ABL2: variants seen among roughly 807,000 people sequenced by gnomAD.
ABL2 encodes ABL proto-oncogene 2, non-receptor tyrosine kinase, also known as tyrosine-protein kinase ABL2.
In ABL2, 49 loss-of-function variants were observed where a neutral mutation model predicts 107.7. The observed-to-expected ratio is 0.45, with a 90% CI of 0.36 to 0.58. ABL2 has a LOEUF of 0.58. Ranked by LOEUF, ABL2 falls within the 20% of genes least tolerant of loss-of-function variation. The pLI is 0.00. For synonymous variants in ABL2, 549 were observed against 548.6 expected, an observed-to-expected ratio of 1.00 and a Z score of -0.01; for missense variants, 1,245 against 1,457.0, an observed-to-expected ratio of 0.85 and a Z score of 2.37.
chr1:179,211,078 A>G (rs1360171126), intron 1 of ABL2, among the ~76,000 whole-genome samples: 1 of 152,160 alleles, frequency 6.6e-6, no homozygotes, highest in East Asian at 1.9e-4. Flanking sequence ...CAGGAAACAG[A>G]AGACTTGAAA....
rs1042383610 is a variant in ABL2 at position 179,103,958 on chromosome 1, T to C, written c.*3760A>G. On this transcript the variant is annotated 3_prime_UTR_variant, in exon 12 of 12. Transcript: ENST00000502732. ...GATAGCACTGGGTGTTTCAAACACCTGGCGAGATTACTGGAGAATACACTG... is the reference window on the plus strand; with the variant it reads ...GATAGCACTGGGTGTTTCAAACACCCGGCGAGATTACTGGAGAATACACTG... The C allele has an allele frequency of 4.3e-5, 10 of 233,374 alleles. No individual in the cohort carries two copies. Among genetic ancestry groups the C allele is most frequent in the African/African-American group, 2.2e-4 (10 of 45,346 alleles). The allele number at this position is 233,374 out of a possible 1,614,324, so 14.5% of individuals were successfully genotyped here.
chr1:179,168,835 T>C (rs192452778), intron 1 of ABL2, among the ~76,000 whole-genome samples: 1 of 152,240 alleles, frequency 6.6e-6, no homozygotes, highest in Non-Finnish European at 1.5e-5. Context: ...CTAACTAGCA[T>C]GACTTCGTAG....
At chr1:179,180,423 A>G (rs528001527) in intron 1 of ABL2, among the ~76,000 whole-genome samples, 1 of 152,334 alleles carries the variant, frequency 6.6e-6, no homozygotes, top group South Asian at 2.1e-4. Context: ...CGAAGGTTCT[A>G]GAGGAGAGGA....
chr1:179,115,321 A>T (rs940990702), intron 8 of ABL2, among the ~76,000 whole-genome samples: 5 of 152,210 alleles, frequency 3.3e-5, no homozygotes, highest in Non-Finnish European at 7.3e-5. Flanking sequence ...AAGAAGTCTG[A>T]GGCATAATCC....
At chr1:179,136,120 G>A (rs1193597225) in intron 1 of ABL2, among the ~76,000 whole-genome samples, 2 of 151,120 alleles carry the variant, frequency 1.3e-5, no homozygotes, top group African/African-American at 4.8e-5. Context: ...CAGCCACCCC[G>A]TCCGGGAGGT....
intron 1 of ABL2, among the ~76,000 whole-genome samples, chr1:179,152,002 T>A (rs1338847608): frequency 6.6e-6 from 1 of 152,106 alleles, no homozygotes; most frequent in Admixed American, 6.6e-5. Flanking sequence ...AAGTCTTCTA[T>A]TACAGATAAA....
chr1:179,151,798 C>A (rs569987033), intron 1 of ABL2, among the ~76,000 whole-genome samples: 2 of 152,212 alleles, frequency 1.3e-5, no homozygotes, highest in African/African-American at 4.8e-5. Flanking sequence ...TGATAAAATT[C>A]TTTACCGTAG....
At chr1:179,122,327 C>A (rs1655300977) in intron 4 of ABL2, among the ~76,000 whole-genome samples, 1 of 151,476 alleles carries the variant, frequency 6.6e-6, no homozygotes, top group Non-Finnish European at 1.5e-5. Context: ...CTCACTATTG[C>A]CCAGGCAGGT....
Position 179,189,334 on chromosome 1 carries a change from A to T in ABL2, c.157+39907T>A, listed in dbSNP as rs147014930. On this transcript the variant is annotated intron_variant, in intron 1 of 11. Coordinates refer to ENST00000502732, the MANE Select transcript of ABL2 (RefSeq NM_007314.4). ...TTTTTAGTAGAGACGGGGTTTCACCATGTTGGCCAGGCTTATCTCAAACTC... is the reference window on the plus strand; with the variant it reads ...TTTTTAGTAGAGACGGGGTTTCACCTTGTTGGCCAGGCTTATCTCAAACTC... Among the ~76,000 whole-genome samples the T allele has an allele frequency of 5.5e-3, 838 of 152,174 alleles. 10 individuals are homozygous for T. The highest frequency in any genetic ancestry group is 0.019 in the African/African-American group (795 of 41,514).
At chr1:179,136,916 CAAAA>C (rs33980980) in intron 1 of ABL2, among the ~76,000 whole-genome samples, 1 of 110,090 alleles carries the variant, frequency 9.1e-6, no homozygotes. Flanking sequence ...GACCCTGTCT[CAAAA>C]AAAAAAAAAA....
chr1:179,210,057 G>A (rs190458243), intron 1 of ABL2, among the ~76,000 whole-genome samples: 11 of 152,060 alleles, frequency 7.2e-5, no homozygotes, highest in African/African-American at 1.9e-4. Flanking sequence ...AAAGACAGGG[G>A]TCTTGCTATT....
rs754393046 is a variant in ABL2, at chr1:179,108,011, T to A, written c.3256A>T (p.Lys1086Ter). ...AEKISADKISKEALLECADLL... is the reference protein window; with the variant it reads ...AEKISADKIS ...TCAGCACATTCCAGCAGGGCCTCTT[T>A]GCTGATTTTGTCTGCTGAGATTTTC... Residue 1086 changes from lysine to a stop codon, truncating the protein, a stop_gained, in exon 12 of 12, where the codon AAA becomes TAA. Transcript: ENST00000502732. LOFTEE classifies it high-confidence loss of function. 3 of 1,614,112 alleles carry A rather than the reference T, an allele frequency of 1.9e-6. No individual in the cohort carries two copies. In the African/African-American group the frequency reaches 4.0e-5, roughly 22 times the overall value.
At chr1:179,133,433 T>C in intron 1 of ABL2, 59 bp from the exon 2 acceptor site, 2 of 1,613,560 alleles carry the variant, frequency 1.2e-6, no homozygotes, top group Non-Finnish European at 1.7e-6. Flanking sequence ...TAGTTTAACA[T>C]CAAGCTAAAG....
intron 1 of ABL2, among the ~76,000 whole-genome samples, chr1:179,197,242 T>C (rs1423613112): frequency 6.6e-6 from 1 of 151,060 alleles, no homozygotes; most frequent in Non-Finnish European, 1.5e-5. Context: ...CCAGTGAAAA[T>C]GCAAGACACT....
At chr1:179,226,917 G>A (rs957773999) in intron 1 of ABL2, among the ~76,000 whole-genome samples, 1 of 152,000 alleles carries the variant, frequency 6.6e-6, no homozygotes, top group Non-Finnish European at 1.5e-5. Flanking sequence ...AGTTCCAAAG[G>A]GCAGGGACTC....
At chr1:179,209,523 G>A (rs1393561768) in intron 1 of ABL2, among the ~76,000 whole-genome samples, 1 of 152,230 alleles carries the variant, frequency 6.6e-6, no homozygotes, top group South Asian at 2.1e-4. Context: ...CCTAGCAATG[G>A]ATGAGGAAAA....
chr1:179,204,678 CAG>C (rs1456847617), intron 1 of ABL2, among the ~76,000 whole-genome samples: 3 of 152,012 alleles, frequency 2.0e-5, no homozygotes, highest in Non-Finnish European at 2.9e-5. Context: ...ACCTGAGAGG[CAG>C]AGAGTACAGT....
intron 1 of ABL2, among the ~76,000 whole-genome samples, chr1:179,228,636 T>C (rs1439671028): frequency 3.9e-5 from 6 of 152,152 alleles, no homozygotes; most frequent in Non-Finnish European, 7.3e-5. Flanking sequence ...AAGCCTTTCA[T>C]TTCTAGTAAA....
chr1:179,203,842 T>C (rs1263713357), intron 1 of ABL2, among the ~76,000 whole-genome samples: 1 of 152,190 alleles, frequency 6.6e-6, no homozygotes, highest in African/African-American at 2.4e-5. Flanking sequence ...TGAGCTAAAC[T>C]GCCTGGCTCT....
Sources: allele counts gnomAD v4.1 joint callset (sites outside exome capture counted in the v4.1 genomes callset), GRCh38; gene constraint gnomAD v4.1.1; transcripts MANE v1.5; gene names NCBI Gene and HGNC (gene_info 2026-07-23, HGNC 2026-07-21).